The following ERCC6L2 variants were observed in gnomAD, a reference collection of about 807,000 sequenced individuals.
ERCC6L2 encodes ERCC excision repair 6 like 2, also known as DNA excision repair protein ERCC-6-like 2.
In ERCC6L2, 77 loss-of-function variants were observed where a neutral mutation model predicts 132.0. That is an observed-to-expected ratio of 0.58 (90% CI 0.49 to 0.71). ERCC6L2 has a LOEUF of 0.71. Ranked by LOEUF, ERCC6L2 falls within the 30% of genes least tolerant of loss-of-function variation. ERCC6L2 has a pLI of 0.00. For synonymous variants in ERCC6L2, 583 were observed against 632.4 expected (o/e 0.92, Z 1.17); for missense variants, 1,542 against 1,837.6 (o/e 0.84, Z 2.94).
chr9:95,923,474 C>A, intron 9 of ERCC6L2, 95 bp downstream of exon 9: 1 of 1,404,672 alleles, frequency 7.1e-7, no homozygotes, highest in Non-Finnish European at 9.8e-7. Flanking sequence ...AACAGGTGCT[C>A]AGTCATTCAG....
intron 1 of ERCC6L2, chr9:95,876,751 C>A (rs1203759979): frequency 6.6e-6 from 1 of 152,182 alleles, no homozygotes; most frequent in African/African-American, 2.4e-5. Flanking sequence ...TGTTTACTTG[C>A]TTTCCTTTGA....
chr9:95,892,703 G>T (rs1409716852), intron 2 of ERCC6L2, among the ~76,000 whole-genome samples: 1 of 152,148 alleles, frequency 6.6e-6, no homozygotes, highest in Non-Finnish European at 1.5e-5. Flanking sequence ...GATTATAGGT[G>T]TGAACCACTG....
chr9:95,989,349 C>G (rs558939545), intron 17 of ERCC6L2, among the ~76,000 whole-genome samples: 3 of 152,174 alleles, frequency 2.0e-5, no homozygotes, highest in Non-Finnish European at 1.5e-5. Context: ...TCCTGAAGCT[C>G]CTAGGGGGCT....
intron 19 of ERCC6L2, among the ~76,000 whole-genome samples, chr9:96,033,730 A>G (rs1241267547): frequency 1.3e-5 from 2 of 152,206 alleles, no homozygotes; most frequent in Non-Finnish European, 2.9e-5. Flanking sequence ...ATAAAAGGAG[A>G]TGCCCCTTTC....
rs1443704614 is a variant in ERCC6L2, at chr9:95,972,198, A to G, written c.2447A>G (p.Asp816Gly). 1.3e-5 allele frequency: 17 copies of G among 1,304,172 alleles called. No homozygotes were observed. The Admixed American group carries it at 3.9e-4, about 30-fold the overall frequency. The allele number at this position is 1,304,172 out of a possible 1,614,324, so 80.8% of individuals were successfully genotyped here. Reference sequence around the variant, plus strand: ...GATAGTGATGGAAATACTGCCTCTGATGATGAAAGTTCTGATGAGCAGCCC... The same window carrying G: ...GATAGTGATGGAAATACTGCCTCTGGTGATGAAAGTTCTGATGAGCAGCCC... The part of the protein sequence containing the change: ...VEDSDGNTAS[D>G]DESSDEQPTC... The change falls in exon 16 of 19, where the codon GAT becomes GGT. Residue 816 changes from aspartate (D) to glycine (G), a missense_variant. Around this residue, in one of 4 missense-constraint regions of ERCC6L2, gnomAD observed 945 missense variants for 1,105.2 expected, o/e 0.86. Coordinates refer to ENST00000653738, the MANE Select transcript of ERCC6L2 (RefSeq NM_020207.7).
At chr9:95,889,000 CG>C (rs1002303658) in intron 2 of ERCC6L2, among the ~76,000 whole-genome samples, 9 of 151,844 alleles carry the variant, frequency 5.9e-5, no homozygotes, top group Non-Finnish European at 1.2e-4. Flanking sequence ...TTAAGTTTTT[CG>C]GGGGTGGGTG....
downstream of ERCC6L2, chr9:96,020,806 C>G (rs1407998666): frequency 2.2e-6 from 1 of 456,764 alleles, no homozygotes; most frequent in Admixed American, 2.3e-5. Flanking sequence ...AGGCAGAACA[C>G]CCCTTCTCCA....
intron 16 of ERCC6L2, among the ~76,000 whole-genome samples, chr9:95,973,597 CCTCTTTATAACACCATCAGAT>C (rs1832529641): frequency 6.6e-6 from 1 of 152,048 alleles, no homozygotes; most frequent in Non-Finnish European, 1.5e-5. Flanking sequence ...GAGGGGAACT[CCTCTTTATAACACCATCAGAT>C]CTCATGAGAC....
At chr9:96,037,926 T>C (rs1448671919) in intron 19 of ERCC6L2, among the ~76,000 whole-genome samples, 1 of 151,560 alleles carries the variant, frequency 6.6e-6, no homozygotes, top group African/African-American at 2.4e-5. Flanking sequence ...CTAGTATCTA[T>C]GGATTTGGCC....
At chr9:95,968,783 A>G (rs1195965007) in intron 14 of ERCC6L2, 1 of 152,184 alleles carries the variant, frequency 6.6e-6, no homozygotes, top group Admixed American at 6.5e-5. Flanking sequence ...AATGTCAGGT[A>G]CTGTTCATAG....
chr9:95,895,290 T>C (rs1564200850), intron 2 of ERCC6L2, among the ~76,000 whole-genome samples: 2 of 152,282 alleles, frequency 1.3e-5, no homozygotes, highest in East Asian at 3.9e-4. Context: ...TCTGTCATTT[T>C]TATTTTCTTA....
At chr9:95,969,200 A>G (rs1230501914) in intron 14 of ERCC6L2, among the ~76,000 whole-genome samples, 1 of 152,164 alleles carries the variant, frequency 6.6e-6, no homozygotes, top group Admixed American at 6.5e-5. Context: ...AGAGAGCCAG[A>G]CCATGCAGGA....
chr9:96,030,329 G>A (rs1834439831), intron 19 of ERCC6L2, among the ~76,000 whole-genome samples: 1 of 152,114 alleles, frequency 6.6e-6, no homozygotes, highest in Non-Finnish European at 1.5e-5. Flanking sequence ...ACACGCTCGG[G>A]TTCCCTTCCA....
intron 17 of ERCC6L2, among the ~76,000 whole-genome samples, chr9:95,992,231 T>C (rs1313868654): frequency 4.6e-5 from 7 of 152,200 alleles, no homozygotes; most frequent in Admixed American, 3.3e-4. Flanking sequence ...TATGTTAACA[T>C]GTAATGGGCT....
intron 19 of ERCC6L2, among the ~76,000 whole-genome samples, chr9:96,036,741 A>AATTATT (rs376440816): frequency 4.5e-4 from 64 of 143,004 alleles, no homozygotes; most frequent in Middle Eastern, 3.9e-3. Context: ...CATTTTTTTA[A>AATTATT]ATTATTATTA....
intron 18 of ERCC6L2, among the ~76,000 whole-genome samples, chr9:96,006,821 G>A (rs1833879415): frequency 6.6e-6 from 1 of 152,084 alleles, no homozygotes; most frequent in Admixed American, 6.6e-5. Flanking sequence ...GAAAGATTTA[G>A]GGAGAGAGAA....
At chr9:95,888,068 G>GT (rs71368214) in intron 2 of ERCC6L2, among the ~76,000 whole-genome samples, 61,406 of 138,776 alleles carry the variant, frequency 0.44, 13,824 homozygotes, top group East Asian at 0.68. Context: ...GCACTTTGTG[G>GT]TTTTTTTTTT....
In ERCC6L2 at chr9:95,933,398, AG is replaced by A. The variant is rs551274084; in HGVS notation, c.1751+4536del. Reference sequence around the variant, plus strand: ...GTATGTCTAATAAGCAGTTTTCCAAAGGAGAAAATTCAGTTTCTACTGAGCA... The same window carrying A: ...GTATGTCTAATAAGCAGTTTTCCAAAGAGAAAATTCAGTTTCTACTGAGCA... On this transcript the variant is annotated intron_variant, in intron 11 of 18. Coordinates refer to ENST00000653738, the MANE Select transcript of ERCC6L2 (RefSeq NM_020207.7). 2.5e-4 allele frequency among the ~76,000 whole-genome samples: 38 copies of A among 152,302 alleles called. 1 individual carries two copies. The highest frequency in any genetic ancestry group is 3.4e-3 in the Middle Eastern group (1 of 294).
chr9:95,922,168 T>A (rs1007635670), intron 7 of ERCC6L2, 137 bp from the exon 8 acceptor site: 3 of 529,606 alleles, frequency 5.7e-6, no homozygotes, highest in Non-Finnish European at 1.0e-5. Flanking sequence ...TGTGCAATAG[T>A]TGACCATCAT....
Sources: gnomAD v4.1 joint callset for allele counts (sites outside exome capture counted in the v4.1 genomes callset) on GRCh38, gnomAD v4.1.1 for gene constraint, gnomAD v4.1.1 regional missense constraint, MANE v1.5 for transcripts, NCBI Gene and HGNC (gene_info 2026-07-23, HGNC 2026-07-21) for gene names.